The following SSBP2 variants were observed in gnomAD, a reference collection of about 807,000 sequenced individuals.
SSBP2 encodes single stranded DNA binding protein 2, also known as single-stranded DNA-binding protein 2.
A neutral mutation model predicts 61.8 loss-of-function variants in SSBP2; 17 were observed. The ratio of observed to expected loss-of-function variants is 0.28; its 90% confidence interval spans 0.19 to 0.41. SSBP2 has a LOEUF of 0.41. Ranked by LOEUF, SSBP2 falls within the 10% of genes least tolerant of loss-of-function variation. SSBP2 has a pLI of 1.00. For missense variants in SSBP2, 310 were observed against 458.7 expected (o/e 0.68, Z 2.96); for synonymous variants, 139 against 141.3 (o/e 0.98, Z 0.12).
At chr5:81,511,052 C>A (rs1768566020) in intron 5 of SSBP2, among the ~76,000 whole-genome samples, 1 of 152,088 alleles carries the variant, frequency 6.6e-6, no homozygotes, top group Non-Finnish European at 1.5e-5. Context: ...TGGTCTCTCT[C>A]TCTCTCCTTT....
chr5:81,615,239 A>T (rs1745892712), intron 4 of SSBP2: 1 of 369,528 alleles, frequency 2.7e-6, no homozygotes, highest in South Asian at 5.4e-5. Flanking sequence ...TAAAGATAAG[A>T]AATTTCTTTA....
intron 4 of SSBP2, among the ~76,000 whole-genome samples, chr5:81,531,367 T>C (rs1770394985): frequency 6.6e-6 from 1 of 151,910 alleles, no homozygotes. Context: ...AAATTAATTG[T>C]GGGCTTATAT....
At chr5:81,583,412 A>C (rs200929763) in intron 4 of SSBP2, among the ~76,000 whole-genome samples, 8 of 152,064 alleles carry the variant, frequency 5.3e-5, no homozygotes, top group Middle Eastern at 3.4e-3. Context: ...GGCAGATCAC[A>C]AGGTCAGGAG....
intron 1 of SSBP2, among the ~76,000 whole-genome samples, chr5:81,730,287 C>T (rs185146884): frequency 2.9e-4 from 44 of 152,242 alleles, no homozygotes; most frequent in African/African-American, 8.9e-4. Flanking sequence ...TGCAGTGGCA[C>T]GATCTCGGCT....
At chr5:81,658,134 C>T (rs577342419) in intron 1 of SSBP2, among the ~76,000 whole-genome samples, 2 of 152,266 alleles carry the variant, frequency 1.3e-5, no homozygotes, top group South Asian at 2.1e-4. Flanking sequence ...ATAGTCACCA[C>T]ATTACCACAT....
At chr5:81,569,907 G>A (rs901174880) in intron 4 of SSBP2, among the ~76,000 whole-genome samples, 17 of 152,070 alleles carry the variant, frequency 1.1e-4, no homozygotes, top group Non-Finnish European at 2.1e-4. Flanking sequence ...AAGTGGTTTT[G>A]AAAAACCTAC....
In SSBP2 at chr5:81,416,773, T is replaced by C. The variant is rs1358231610; in HGVS notation, c.*3731A>G. 6.6e-6 allele frequency: 1 copy of C among 152,202 alleles called. No homozygotes were observed. Among genetic ancestry groups the C allele is most frequent in the Non-Finnish European group, 1.5e-5 (1 of 68,034 alleles). The allele number at this position is 152,202 out of a possible 1,614,324, so 9.4% of individuals were successfully genotyped here. On this transcript the variant is annotated 3_prime_UTR_variant, in exon 17 of 17. Coordinates refer to ENST00000320672, the MANE Select transcript of SSBP2 (RefSeq NM_012446.5). ...CATAAAAATAGAAATGGAAGTTTTA[T>C]TTTATTCTGGAGGGAAAGGGCTGTT...
At chr5:81,473,946 C>T (rs1029198070) in intron 7 of SSBP2, among the ~76,000 whole-genome samples, 176 bp from the exon 8 acceptor site, 1 of 152,162 alleles carries the variant, frequency 6.6e-6, no homozygotes, top group African/African-American at 2.4e-5. Context: ...TACCCACACC[C>T]TCTATTAATG....
chr5:81,534,149 C>T (rs1770627447), intron 4 of SSBP2, among the ~76,000 whole-genome samples: 1 of 152,096 alleles, frequency 6.6e-6, no homozygotes, highest in Non-Finnish European at 1.5e-5. Context: ...CAGAGAAGCA[C>T]TTGCAAATTT....
At chr5:81,642,889 T>C (rs553966616) in intron 2 of SSBP2, among the ~76,000 whole-genome samples, 1 of 152,312 alleles carries the variant, frequency 6.6e-6, no homozygotes, top group South Asian at 2.1e-4. Flanking sequence ...TAGATGTACA[T>C]ACATAAATAT....
intron 4 of SSBP2, among the ~76,000 whole-genome samples, chr5:81,535,376 T>C (rs550788832): frequency 6.6e-6 from 1 of 152,064 alleles, no homozygotes; most frequent in African/African-American, 2.4e-5. Flanking sequence ...GACCTATAGA[T>C]TCAATACAAT....
intron 4 of SSBP2, among the ~76,000 whole-genome samples, chr5:81,581,043 A>G (rs1380057402): frequency 6.6e-6 from 1 of 152,190 alleles, no homozygotes. Flanking sequence ...AAGTTACGTA[A>G]AAGTGCAGGT....
intron 4 of SSBP2, among the ~76,000 whole-genome samples, chr5:81,552,808 T>C (rs6867426): frequency 6.6e-6 from 1 of 151,882 alleles, no homozygotes; most frequent in South Asian, 2.1e-4. Flanking sequence ...AGTGATAGAC[T>C]TTTAGTAATT....
At chr5:81,713,277 T>A (rs73768109) in intron 1 of SSBP2, among the ~76,000 whole-genome samples, 5,727 of 151,716 alleles carry the variant, frequency 0.038, 387 homozygotes, top group African/African-American at 0.13. Context: ...TGTTTAAAAA[T>A]CTGTAAGATT....
chr5:81,434,050 T>C (rs1185709081), intron 15 of SSBP2, among the ~76,000 whole-genome samples: 1 of 152,230 alleles, frequency 6.6e-6, no homozygotes, highest in Non-Finnish European at 1.5e-5. Flanking sequence ...AACTAAAATC[T>C]TTATGTTACA....
At chr5:81,751,166 G>A (rs910638115), upstream of SSBP2, 2 of 1,022,332 alleles carry the variant, frequency 2.0e-6, no homozygotes, top group African/African-American at 3.2e-5. Flanking sequence ...CCACGCCAAA[G>A]CTCCGCCCCC....
intron 10 of SSBP2, among the ~76,000 whole-genome samples, chr5:81,451,042 C>T (rs1427329235): frequency 6.6e-6 from 1 of 152,120 alleles, no homozygotes; most frequent in Non-Finnish European, 1.5e-5. Context: ...ACCCAGTAAA[C>T]TTCATGGGGG....
rs558861394 is a variant in SSBP2, at chr5:81,472,724, C to T, written c.570+976G>A. ...AAGCGATTCTTCTGCCTCATCCTCT[C>T]GAGTAGCTGGGATTACAGGCACCTG... On this transcript the variant is annotated intron_variant, in intron 8 of 16. Transcript: ENST00000320672. 5.3e-5 allele frequency among the ~76,000 whole-genome samples: 8 copies of T among 152,166 alleles called. No homozygotes were observed. The East Asian group carries it at 9.7e-4, about 18-fold the overall frequency.
At chr5:81,479,653 C>T (rs1222831301) in intron 6 of SSBP2, among the ~76,000 whole-genome samples, 1 of 152,056 alleles carries the variant, frequency 6.6e-6, no homozygotes, top group African/African-American at 2.4e-5. Context: ...GAGGAGGGTA[C>T]TTAATAAAAA....
Sources: gnomAD v4.1 joint callset for allele counts (sites outside exome capture counted in the v4.1 genomes callset) on GRCh38, gnomAD v4.1.1 for gene constraint, MANE v1.5 for transcripts, NCBI Gene and HGNC (gene_info 2026-07-23, HGNC 2026-07-21) for gene names.